Variants in TANC2 observed in about 807,000 individuals in gnomAD.
The protein encoded by TANC2 is tetratricopeptide repeat, ankyrin repeat and coiled-coil containing 2.
In TANC2, 26 loss-of-function variants were observed where a neutral mutation model predicts 210.5. The observed-to-expected ratio is 0.12, with a 90% CI of 0.09 to 0.17. TANC2 has a LOEUF of 0.17. TANC2 is among the 10% of genes least tolerant of loss of function. TANC2 has a pLI of 1.00. For missense variants in TANC2, 2,129 were observed against 2,608.9 expected (o/e 0.82, Z 4.01); for synonymous variants, 931 against 967.1 (o/e 0.96, Z 0.69).
chr17:63,179,021 A>G (rs1174271573), intron 5 of TANC2, among the ~76,000 whole-genome samples: 1 of 152,252 alleles, frequency 6.6e-6, no homozygotes, highest in East Asian at 1.9e-4. Context: ...CATCAAGAAA[A>G]TAATGACCAA....
intron 4 of TANC2, among the ~76,000 whole-genome samples, chr17:63,103,416 A>G (rs916605155): frequency 2.6e-5 from 4 of 152,210 alleles, no homozygotes; most frequent in African/African-American, 9.6e-5. Flanking sequence ...TTTTAAATGT[A>G]TACACACCTC....
chr17:63,054,580 A>G (rs1192673425), intron 2 of TANC2, among the ~76,000 whole-genome samples: 5 of 146,712 alleles, frequency 3.4e-5, no homozygotes, highest in African/African-American at 1.3e-4. Context: ...ATGGAGTTTT[A>G]CCATGTTGGC....
chr17:63,081,863 G>A (rs2036784667), intron 3 of TANC2, among the ~76,000 whole-genome samples: 1 of 152,140 alleles, frequency 6.6e-6, no homozygotes, highest in Admixed American at 6.5e-5. Flanking sequence ...ATAAAAGCAT[G>A]ACAACTAAAA....
At chr17:63,353,761 C>A (rs1357588503) in intron 13 of TANC2, among the ~76,000 whole-genome samples, 2 of 152,120 alleles carry the variant, frequency 1.3e-5, no homozygotes, top group Admixed American at 1.3e-4. Context: ...TGGGAGCAAG[C>A]TGCAGAAAGT....
chr17:63,061,801 C>T (rs1011508556), intron 2 of TANC2, among the ~76,000 whole-genome samples: 8 of 152,112 alleles, frequency 5.3e-5, no homozygotes, highest in African/African-American at 1.9e-4. Context: ...CCTTTTTAAT[C>T]CCTTTCTTCT....
At chr17:63,426,989 A>G (rs1050697530) in exon 28 of TANC2, 5 of 151,544 alleles carry the variant, frequency 3.3e-5, no homozygotes, top group African/African-American at 1.2e-4. Context: ...GGAAAAAAAA[A>G]GTTAAGAGAT....
chr17:63,015,003 T>C (rs529541602), intron 2 of TANC2, among the ~76,000 whole-genome samples: 5 of 152,252 alleles, frequency 3.3e-5, no homozygotes, highest in African/African-American at 1.2e-4. Flanking sequence ...TATGGAAAGA[T>C]ATCATTAGTG....
At chr17:63,349,638 C>T (rs988227333) in intron 12 of TANC2, among the ~76,000 whole-genome samples, 3 of 152,176 alleles carry the variant, frequency 2.0e-5, no homozygotes, top group Non-Finnish European at 4.4e-5. Flanking sequence ...TTGCAGTGGC[C>T]TCTCCTGAAC....
chr17:62,973,326 C>T (rs1210401417), intron 1 of TANC2, among the ~76,000 whole-genome samples: 1 of 152,164 alleles, frequency 6.6e-6, no homozygotes, highest in Non-Finnish European at 1.5e-5. Flanking sequence ...GCCACCATAC[C>T]CGGCCGTAAC....
chr17:63,417,376 T>C (rs2048896374), intron 26 of TANC2, among the ~76,000 whole-genome samples: 1 of 152,080 alleles, frequency 6.6e-6, no homozygotes, highest in Non-Finnish European at 1.5e-5. Flanking sequence ...AGCTTAGTAT[T>C]TAAGGGAATA....
chr17:63,355,135 A>G, exon 14 of TANC2: 1 of 1,613,796 alleles, frequency 6.2e-7, no homozygotes, highest in Non-Finnish European at 8.5e-7. Context: ...TCTTCCTTTG[A>G]CCGGGTGATG....
At chr17:63,162,308 A>G (rs1567775534) in intron 5 of TANC2, among the ~76,000 whole-genome samples, 2 of 151,866 alleles carry the variant, frequency 1.3e-5, no homozygotes, top group Admixed American at 6.6e-5. Flanking sequence ...GTCTGGAAAA[A>G]AAAAAAACAA....
chr17:63,136,716 A>G (rs1199939545), intron 4 of TANC2, among the ~76,000 whole-genome samples: 1 of 152,170 alleles, frequency 6.6e-6, no homozygotes, highest in African/African-American at 2.4e-5. Context: ...TTCCCACCAG[A>G]AACAACTGTT....
intron 2 of TANC2, among the ~76,000 whole-genome samples, chr17:63,073,408 A>G (rs2036466655): frequency 6.6e-6 from 1 of 152,152 alleles, no homozygotes; most frequent in East Asian, 1.9e-4. Flanking sequence ...ATTTGTTTCT[A>G]TATAATTTTA....
Position 63,238,733 on chromosome 17 carries a change from G to A in TANC2, c.1033+656G>A, listed in dbSNP as rs528907250. Among the ~76,000 whole-genome samples the A allele has an allele frequency of 3.1e-4, 47 of 152,258 alleles. No individual in the cohort carries two copies. In the East Asian group the frequency reaches 9.1e-3, roughly 29 times the overall value. ...GACTGGATAATTTATAAACAAAAGA[G>A]GTTTAATTGGCTCACAGTTCCACAC... On this transcript the variant is annotated intron_variant, in intron 8 of 27. Coordinates refer to ENST00000689528, the Ensembl canonical transcript of TANC2.
chr17:63,278,423 G>C (rs2043958268), intron 9 of TANC2, among the ~76,000 whole-genome samples: 1 of 151,766 alleles, frequency 6.6e-6, no homozygotes. Flanking sequence ...ACCATAATGA[G>C]ATAGTACCTC....
intron 4 of TANC2, among the ~76,000 whole-genome samples, chr17:63,133,027 G>A (rs946319333): frequency 1.8e-4 from 28 of 152,278 alleles, no homozygotes; most frequent in African/African-American, 6.7e-4. Flanking sequence ...AGGCTGGAGG[G>A]CAGTGGCGCA....
chr17:63,393,371 A>G (rs1349442117), intron 17 of TANC2: 1 of 152,204 alleles, frequency 6.6e-6, no homozygotes, highest in African/African-American at 2.4e-5. Context: ...CTGCTCACCA[A>G]CACACTGACC....
chr17:63,086,907 C>T (rs539487641), intron 3 of TANC2, among the ~76,000 whole-genome samples: 2 of 146,818 alleles, frequency 1.4e-5, no homozygotes, highest in East Asian at 3.9e-4. Flanking sequence ...GACCAATCAG[C>T]ACTCTGTAAA....
Sources: allele counts gnomAD v4.1 joint callset (sites outside exome capture counted in the v4.1 genomes callset), GRCh38; gene constraint gnomAD v4.1.1; transcripts MANE v1.5; gene names NCBI Gene and HGNC (gene_info 2026-07-23, HGNC 2026-07-21).